Variants in CTDSPL2 observed in about 807,000 individuals in gnomAD.
The protein encoded by CTDSPL2 is CTD small phosphatase like 2.
Under a neutral mutation model 60.0 loss-of-function variants are expected in CTDSPL2, and 5 were observed. The ratio of observed to expected loss-of-function variants is 0.08; its 90% confidence interval spans 0.04 to 0.18. CTDSPL2 has a LOEUF of 0.18. Ranked by LOEUF, CTDSPL2 falls within the 10% of genes least tolerant of loss-of-function variation. The probability of loss-of-function intolerance (pLI) is 1.00; values close to 1 mark genes in which losing one functional copy is unlikely to be tolerated. For synonymous variants in CTDSPL2, 186 were observed against 189.3 expected (o/e 0.98, Z 0.14); for missense variants, 370 against 548.8 (o/e 0.67, Z 3.26).
intron 2 of CTDSPL2, among the ~76,000 whole-genome samples, chr15:44,480,229 C>G (rs866670935): frequency 1.3e-5 from 2 of 152,176 alleles, no homozygotes; most frequent in Non-Finnish European, 2.9e-5. Context: ...CAACTCCCCT[C>G]CCCCTTATTT....
At chr15:44,456,293 T>C (rs894317969) in intron 1 of CTDSPL2, among the ~76,000 whole-genome samples, 5 of 152,210 alleles carry the variant, frequency 3.3e-5, no homozygotes, top group African/African-American at 1.2e-4. Context: ...TTTCTATTGA[T>C]TGTAATAGTT....
intron 1 of CTDSPL2, chr15:44,448,278 G>T: frequency 3.5e-6 from 1 of 285,430 alleles, no homozygotes; most frequent in Non-Finnish European, 7.1e-6. Context: ...TGTGCTGGAT[G>T]CTAGAGGCCA....
chr15:44,444,249 T>C (rs913547631), intron 1 of CTDSPL2, among the ~76,000 whole-genome samples: 2 of 151,882 alleles, frequency 1.3e-5, no homozygotes, highest in Non-Finnish European at 2.9e-5. Context: ...TGTGTGTTTT[T>C]GTTGTCATGA....
chr15:44,450,411 C>A (rs2141320435), intron 1 of CTDSPL2, among the ~76,000 whole-genome samples: 4 of 152,016 alleles, frequency 2.6e-5, no homozygotes, highest in Admixed American at 2.6e-4. Context: ...AAGTTCACTT[C>A]TAAGAAACTG....
In CTDSPL2 at chr15:44,521,420, A is replaced by T; in HGVS notation, c.1335+14A>T. 1 of 1,362,982 alleles carries T rather than the reference A, an allele frequency of 7.3e-7. No homozygotes were observed. Among genetic ancestry groups the T allele is most frequent in the Non-Finnish European group, 1.0e-6 (1 of 974,384 alleles). 84.4% of individuals were successfully genotyped at this position (1,362,982 alleles called of 1,614,324 possible). On this transcript the variant is annotated intron_variant, in intron 12 of 12. Transcript: ENST00000260327. ...CTTGTAGAACTGGTAAGTGTAGCTT[A>T]TCTTTTTCTGTTGTGTTTTTGTTAG... is the stretch of plus-strand genomic sequence containing the variant.
At chr15:44,505,212 G>A (rs1457208768) in intron 8 of CTDSPL2, among the ~76,000 whole-genome samples, 1 of 151,804 alleles carries the variant, frequency 6.6e-6, no homozygotes, top group African/African-American at 2.4e-5. Flanking sequence ...TGGGTGGATG[G>A]CTTGAGCTCA....
intron 8 of CTDSPL2, among the ~76,000 whole-genome samples, chr15:44,513,335 T>C (rs1046312035): frequency 2.0e-5 from 3 of 150,776 alleles, no homozygotes; most frequent in Non-Finnish European, 4.4e-5. Context: ...GTCGTGGTGA[T>C]GAGCACCTGT....
Position 44,484,209 on chromosome 15 carries a change from C to G in CTDSPL2, c.187-15C>G, listed in dbSNP as rs772859628. The G allele has an allele frequency of 2.6e-6, 4 of 1,530,114 alleles. No individual in the cohort carries two copies. In the South Asian group the frequency reaches 3.8e-5, roughly 15 times the overall value. 94.8% of individuals were successfully genotyped at this position (1,530,114 alleles called of 1,614,324 possible). A position where few individuals can be genotyped will look rare whatever the true frequency, so the allele number is the denominator to read the frequency against. ...GATTGTGCTTAGTGTGTTTTTTTTTCTCTTATATCTTAAGGAAGAGAGAGA... is the reference window on the plus strand; with the variant it reads ...GATTGTGCTTAGTGTGTTTTTTTTTGTCTTATATCTTAAGGAAGAGAGAGA... On this transcript the variant is annotated splice_polypyrimidine_tract_variant and intron_variant, in intron 2 of 12. Coordinates refer to ENST00000260327, the MANE Select transcript of CTDSPL2 (RefSeq NM_016396.3).
intron 11 of CTDSPL2, chr15:44,520,186 T>C (rs1479069489): frequency 6.6e-6 from 1 of 151,134 alleles, no homozygotes; most frequent in African/African-American, 2.4e-5. Context: ...GTTTTGCTCG[T>C]CGCCCAGGCT....
Position 44,428,030 on chromosome 15 carries a change from G to A in CTDSPL2, c.-25+258G>A, listed in dbSNP as rs1212246819. 1.2e-4 allele frequency: 28 copies of A among 224,302 alleles called. No homozygotes were observed. The East Asian group carries it at 2.4e-3, about 20-fold the overall frequency. 13.9% of individuals were successfully genotyped at this position (224,302 alleles called of 1,614,324 possible). On this transcript the variant is annotated intron_variant, in intron 1 of 12. Coordinates refer to ENST00000260327, the MANE Select transcript of CTDSPL2 (RefSeq NM_016396.3). Reference sequence around the variant, plus strand: ...GGTTGCGGCCTGCGTTGTGATTTCTGGGGTTAGATTTCACTTTGCTACCCA... The same window carrying A: ...GGTTGCGGCCTGCGTTGTGATTTCTAGGGTTAGATTTCACTTTGCTACCCA...
chr15:44,464,551 C>T (rs1042540310), intron 2 of CTDSPL2, among the ~76,000 whole-genome samples: 5 of 152,306 alleles, frequency 3.3e-5, no homozygotes, highest in Middle Eastern at 3.4e-3. Context: ...AAGATGCTGG[C>T]CAACATGCTT....
At chr15:44,438,489 G>C (rs150158118) in intron 1 of CTDSPL2, among the ~76,000 whole-genome samples, 1 of 152,252 alleles carries the variant, frequency 6.6e-6, no homozygotes, top group African/African-American at 2.4e-5. Flanking sequence ...TTTGATGATT[G>C]ACTATATAAG....
intron 2 of CTDSPL2, among the ~76,000 whole-genome samples, chr15:44,471,818 C>T (rs998788618): frequency 6.6e-6 from 1 of 152,058 alleles, no homozygotes; most frequent in African/African-American, 2.4e-5. Flanking sequence ...CTTCCTGTCT[C>T]TATGGATTTT....
rs886886253 is a variant in CTDSPL2, at chr15:44,460,824, C to T, written c.186+1624C>T. Among the ~76,000 whole-genome samples the T allele has an allele frequency of 1.2e-4, 18 of 152,090 alleles. 1 individual carries two copies. Among genetic ancestry groups the T allele is most frequent in the East Asian group, 9.6e-4 (5 of 5,198 alleles). On this transcript the variant is annotated intron_variant, in intron 2 of 12. Coordinates refer to ENST00000260327, the MANE Select transcript of CTDSPL2 (RefSeq NM_016396.3). ...AAAATATTCTAATGTTATCATATAA[C>T]AAAGATGAAATATCTTCCAGAAACC...
At chr15:44,517,354 C>CA (rs886571351) in intron 10 of CTDSPL2, 6 of 149,702 alleles carry the variant, frequency 4.0e-5, no homozygotes, top group Non-Finnish European at 7.4e-5. Flanking sequence ...ACTAAAAATA[C>CA]AAAAAAAATT....
chr15:44,513,082 A>G (rs1419396631), intron 8 of CTDSPL2, among the ~76,000 whole-genome samples: 2 of 151,670 alleles, frequency 1.3e-5, no homozygotes, highest in South Asian at 4.2e-4. Flanking sequence ...AAAAAAAAAA[A>G]AAAACTAATA....
At chr15:44,456,124 A>T (rs1374948876) in intron 1 of CTDSPL2, among the ~76,000 whole-genome samples, 1 of 152,078 alleles carries the variant, frequency 6.6e-6, no homozygotes, top group Non-Finnish European at 1.5e-5. Flanking sequence ...TGCTGGGATT[A>T]CAGGCGTGAG....
intron 1 of CTDSPL2, among the ~76,000 whole-genome samples, chr15:44,440,747 A>T (rs910411804): frequency 6.6e-6 from 1 of 151,878 alleles, no homozygotes; most frequent in Non-Finnish European, 1.5e-5. Flanking sequence ...GTGTCTTGCA[A>T]TATTTTACTG....
At chr15:44,446,018 CG>C (rs1482454293) in intron 1 of CTDSPL2, among the ~76,000 whole-genome samples, 1 of 150,906 alleles carries the variant, frequency 6.6e-6, no homozygotes, top group Admixed American at 6.6e-5. Context: ...CTCCACCTCC[CG>C]GGTGCAAGCG....
Sources: gnomAD v4.1 joint callset for allele counts (sites outside exome capture counted in the v4.1 genomes callset) on GRCh38, gnomAD v4.1.1 for gene constraint, MANE v1.5 for transcripts, NCBI Gene and HGNC (gene_info 2026-07-23, HGNC 2026-07-21) for gene names.